GUCY2F: variants seen among roughly 807,000 people sequenced by gnomAD.
GUCY2F encodes the protein retinal guanylyl cyclase 2.
GUCY2F carries 61 observed loss-of-function variants against 73.1 expected under a neutral mutation model. That is an observed-to-expected ratio of 0.83 (90% CI 0.68 to 1.03). GUCY2F has a LOEUF of 1.03. GUCY2F is among the 50% of genes least tolerant of loss of function. The pLI is 0.00. For missense variants in GUCY2F, 912 were observed against 854.3 expected, an observed-to-expected ratio of 1.07 and a Z score of -0.84; for synonymous variants, 331 against 307.8, an observed-to-expected ratio of 1.08 and a Z score of -0.79.
chrX:109,470,835 G>C (rs1932558820), intron 2 of GUCY2F, among the ~76,000 whole-genome samples: 1 of 111,180 alleles, frequency 9.0e-6, no homozygotes, highest in Non-Finnish European at 1.9e-5. Context: ...TATATATCCT[G>C]GCTTTCTCAT....
Position 109,475,265 on chromosome X carries a change from T to A in GUCY2F, c.672A>T (p.Gln224His). The A allele has an allele frequency of 8.3e-7, 1 of 1,211,006 alleles. No homozygotes were observed. The highest frequency in any genetic ancestry group is 1.7e-5 in the African/African-American group (1 of 57,831). The change falls in exon 2 of 20, where the codon CAA (glutamine) becomes CAT (histidine). Residue 224 changes from glutamine (Q) to histidine (H), a missense_variant. Transcript: ENST00000218006. ...GGGCTTTCCGCATGCTTTGGCTGTC[T>A]TGTCCTGTGGTCAGGACGACCCCTA... The part of the protein sequence containing the change: ...LPVGVVLTTG[Q>H]DSQSMRKALQ...
At chrX:109,385,668 A>G (rs1002599237) in intron 15 of GUCY2F, among the ~76,000 whole-genome samples, 7 of 112,128 alleles carry the variant, frequency 6.2e-5, no homozygotes, top group Non-Finnish European at 1.3e-4. Flanking sequence ...GTTGGAAGAA[A>G]GGCTTTCATG....
chrX:109,447,722 T>C (rs1932050680), intron 6 of GUCY2F, among the ~76,000 whole-genome samples: 1 of 109,254 alleles, frequency 9.2e-6, no homozygotes, highest in African/African-American at 3.3e-5. Context: ...CATGTATACA[T>C]ATGTAACAAA....
intron 17 of GUCY2F, 101 bp downstream of exon 17, chrX:109,382,017 T>C (rs1384413349): frequency 5.2e-5 from 24 of 459,040 alleles, no homozygotes; most frequent in Non-Finnish European, 3.9e-6. Context: ...GTTATAGCTC[T>C]GAGTCTCAGA....
intron 1 of GUCY2F, among the ~76,000 whole-genome samples, chrX:109,477,104 C>T (rs986218064): frequency 1.6e-4 from 18 of 111,327 alleles, no homozygotes; most frequent in Admixed American, 6.7e-4. Context: ...AGTTTGGAGT[C>T]TGTCACAATA....
At chrX:109,401,070 C>T (rs1006222645) in intron 10 of GUCY2F, among the ~76,000 whole-genome samples, 6 of 111,933 alleles carry the variant, frequency 5.4e-5, no homozygotes, top group Non-Finnish European at 1.1e-4. Flanking sequence ...AGAGCACTTA[C>T]ATGTATGTTG....
rs763452932 is a variant in GUCY2F at position 109,386,351 on chromosome X, T to C, written c.2957-1069A>G. Among the ~76,000 whole-genome samples the C allele has an allele frequency of 2.7e-5, 3 of 111,163 alleles. No homozygotes were observed. The South Asian group carries it at 1.1e-3, about 42-fold the overall frequency. On this transcript the variant is annotated intron_variant, in intron 15 of 19. Transcript: ENST00000218006. The stretch of plus-strand genomic sequence containing the variant: ...ATCAAGAAGGGTCCAGTGGAGAAGG[T>C]AGGATTTGATCTAGGTCTTGATGGG...
chrX:109,379,303 A>T (rs1437703252), intron 17 of GUCY2F, among the ~76,000 whole-genome samples: 19 of 111,874 alleles, frequency 1.7e-4, no homozygotes, highest in African/African-American at 5.8e-4. Flanking sequence ...TTTCAGCTCT[A>T]TTGCATATCA....
At chrX:109,426,490 G>A (rs900720746) in intron 8 of GUCY2F, among the ~76,000 whole-genome samples, 2 of 112,287 alleles carry the variant, frequency 1.8e-5, no homozygotes, top group African/African-American at 3.2e-5. Context: ...CCGGGTTCAC[G>A]CCATTCTCCT....
intron 15 of GUCY2F, among the ~76,000 whole-genome samples, chrX:109,386,936 G>A (rs913750647): frequency 1.8e-5 from 2 of 112,045 alleles, no homozygotes; most frequent in Non-Finnish European, 3.8e-5. Context: ...AATGACAGAT[G>A]AGGGCTTTTC....
intron 3 of GUCY2F, among the ~76,000 whole-genome samples, chrX:109,464,283 T>A (rs1398726028): frequency 8.9e-6 from 1 of 111,979 alleles, no homozygotes; most frequent in Non-Finnish European, 1.9e-5. Context: ...TTTCTTCCCC[T>A]CCTCACTCCT....
At chrX:109,425,412 C>T (rs191927895) in intron 8 of GUCY2F, among the ~76,000 whole-genome samples, 1,864 of 100,533 alleles carry the variant, frequency 0.019, 41 homozygotes, top group African/African-American at 0.064. Context: ...TATGTGTGTA[C>T]ATATATATCA....
chrX:109,423,081 C>A (rs1355228919), intron 8 of GUCY2F, among the ~76,000 whole-genome samples: 1 of 111,818 alleles, frequency 8.9e-6, no homozygotes, highest in Non-Finnish European at 1.9e-5. Context: ...CTCTGGTTTT[C>A]GGTGAACACA....
chrX:109,401,357 G>T (rs1445469407), intron 10 of GUCY2F, among the ~76,000 whole-genome samples: 1 of 111,789 alleles, frequency 8.9e-6, no homozygotes, highest in Non-Finnish European at 1.9e-5. Flanking sequence ...CACAGAACTG[G>T]AAGTCTAGAG....
chrX:109,444,107 G>A (rs1167104090), intron 6 of GUCY2F, among the ~76,000 whole-genome samples: 1 of 111,697 alleles, frequency 9.0e-6, no homozygotes, highest in Non-Finnish European at 1.9e-5. Context: ...CAAAAATGGG[G>A]ACTAATATCA....
chrX:109,405,470 C>T (rs1217155721), intron 9 of GUCY2F, among the ~76,000 whole-genome samples: 1 of 112,306 alleles, frequency 8.9e-6, no homozygotes, highest in African/African-American at 3.2e-5. Context: ...TCAAATGTGA[C>T]CAGGACTCTC....
At position 109,388,472 on chromosome X, in the gene GUCY2F, C is replaced by G; in HGVS notation, c.2956+17G>C. On this transcript the variant is annotated intron_variant, in intron 15 of 19. Transcript: ENST00000218006. ...AGGCGCATTAGAATGTTTCCTCTTA[C>G]TTTAACTGGTTATTACCTGAGTGAA... 8.6e-7 allele frequency: 1 copy of G among 1,164,624 alleles called. No individual in the cohort carries two copies. Among genetic ancestry groups the G allele is most frequent in the Non-Finnish European group, 1.2e-6 (1 of 855,932 alleles).
intron 17 of GUCY2F, among the ~76,000 whole-genome samples, chrX:109,378,625 A>G (rs1212251615): frequency 1.8e-5 from 2 of 111,598 alleles, no homozygotes; most frequent in Non-Finnish European, 1.9e-5. Context: ...GCTCATAGAC[A>G]TGCTCATACA....
intron 8 of GUCY2F, among the ~76,000 whole-genome samples, chrX:109,414,609 T>A (rs1050120274): frequency 8.9e-5 from 10 of 112,307 alleles, no homozygotes; most frequent in Middle Eastern, 4.6e-3. Flanking sequence ...TTTAACCAGA[T>A]GATTACACAA....
Sources: gnomAD v4.1 joint callset for allele counts (sites outside exome capture counted in the v4.1 genomes callset) on GRCh38, gnomAD v4.1.1 for gene constraint, MANE v1.5 for transcripts, NCBI Gene and HGNC (gene_info 2026-07-23, HGNC 2026-07-21) for gene names.